The following POGLUT2 variants were observed in gnomAD, a reference collection of about 807,000 sequenced individuals.
POGLUT2 encodes the protein ER protein 58.
POGLUT2 carries 47 observed loss-of-function variants against 57.6 expected under a neutral mutation model. The ratio of observed to expected loss-of-function variants is 0.82; its 90% CI spans 0.65 to 1.04. POGLUT2 has a LOEUF of 1.04. Ranked by LOEUF, POGLUT2 falls within the 50% of genes least tolerant of loss-of-function variation. The pLI, the probability that POGLUT2 is intolerant of heterozygous loss-of-function variation, is 0.00. For missense variants in POGLUT2, 565 were observed against 614.8 expected (o/e 0.92, Z 0.86); for synonymous variants, 200 against 218.8 (o/e 0.91, Z 0.76).
chr13:102,786,208 G>C, intron 9 of POGLUT2, 24 bp downstream of exon 9: 1 of 1,442,286 alleles, frequency 6.9e-7, no homozygotes, highest in East Asian at 2.3e-5. Flanking sequence ...CTCTGACACC[G>C]GCCATAAGCT....
rs558624131 is a variant in POGLUT2, at chr13:102,787,876, G to C, written c.1341C>G (p.Leu447=). 2.8e-4 allele frequency: 444 copies of C among 1,593,704 alleles called. 10 individuals carry two copies. In the South Asian group the frequency reaches 4.8e-3, roughly 17 times the overall value. Residue 447 remains leucine, a synonymous_variant, in exon 8 of 10, where the codon CTC becomes CTG. Coordinates refer to ENST00000376004, the MANE Select transcript of POGLUT2 (RefSeq NM_024089.3). ...AATAACAGAATATGTCATCGCCCAT[G>C]AGATTATTTCTTGCAAATTCTTGTC... The part of the protein sequence containing the change: ...KAGQEFARNN[L]MGDDIFCYYF...
chr13:102,793,420 T>G lies in POGLUT2; in HGVS notation c.595-2A>C, dbSNP rs755980455. 6.4e-7 allele frequency: 1 copy of G among 1,568,632 alleles called. No homozygotes were observed. The highest frequency in any genetic ancestry group is 8.8e-7 in the Non-Finnish European group (1 of 1,141,518). On this transcript the variant is annotated splice_acceptor_variant, in intron 3 of 9. Coordinates refer to ENST00000376004, the MANE Select transcript of POGLUT2 (RefSeq NM_024089.3). LOFTEE classifies it high-confidence loss of function. ...TTCACCATGAGTCTTGATATAAACC[T>G]AAAAGAGAATTTACCATTTATTATG...
intron 6 of POGLUT2, among the ~76,000 whole-genome samples, chr13:102,789,982 A>C (rs910443921): frequency 6.6e-5 from 10 of 152,260 alleles, no homozygotes; most frequent in African/African-American, 2.2e-4. Context: ...AAAAATATTC[A>C]TAGAACTGTG....
Position 102,787,034 on chromosome 13 carries a change from GTTTT to G in POGLUT2, c.1384-699_1384-696del, listed in dbSNP as rs111745447. On this transcript the variant is annotated intron_variant, in intron 8 of 9. Coordinates refer to ENST00000376004, the MANE Select transcript of POGLUT2 (RefSeq NM_024089.3). The stretch of plus-strand genomic sequence containing the variant: ...AAGAACTTGTTTACTACCTGATTTT[GTTTT>G]TTTTTTTTTGTTTGTTTATTTTTTT... Among the ~76,000 whole-genome samples the G allele has an allele frequency of 1.4e-3, 203 of 149,158 alleles. 2 individuals carry two copies. The highest frequency in any genetic ancestry group is 4.4e-3 in the South Asian group (21 of 4,728).
chr13:102,786,184 AAT>A (rs1396443310), intron 9 of POGLUT2, 46 bp downstream of exon 9: 2 of 1,208,846 alleles, frequency 1.7e-6, no homozygotes, highest in African/African-American at 1.5e-5. Context: ...AGTTTGGATC[AAT>A]GTTAGTTTTT....
At chr13:102,792,899 C>G (rs919800358) in intron 4 of POGLUT2, among the ~76,000 whole-genome samples, 20 of 152,134 alleles carry the variant, frequency 1.3e-4, no homozygotes, top group Non-Finnish European at 8.8e-5. Context: ...TTCAAGCGAT[C>G]TTCCTGCCTC....
chr13:102,789,412 G>A (rs1878084136), intron 6 of POGLUT2, among the ~76,000 whole-genome samples, 191 bp from the exon 7 acceptor site: 1 of 152,180 alleles, frequency 6.6e-6, no homozygotes, highest in Non-Finnish European at 1.5e-5. Context: ...TCATTTTGAT[G>A]TGCTTCTCAA....
chr13:102,786,248 G>T lies in POGLUT2; in HGVS notation c.1475C>A (p.Thr492Asn). 1 of 1,611,494 alleles carries T rather than the reference G, an allele frequency of 6.2e-7. No individual in the cohort carries two copies. The highest frequency in any genetic ancestry group is 1.1e-5 in the South Asian group (1 of 91,006). ...PQTEDDLFPC[T>N]CHRKKTKDEL The stretch of plus-strand genomic sequence containing the variant: ...TCTGGTTACCTTTTTCCTATGGCAA[G>T]TACAAGGGAAGAGGTCGTCCTCAGT... Residue 492 changes from threonine (T) to asparagine (N), a missense_variant, in exon 9 of 10, where the codon ACT becomes AAT. Thr to Asn is a moderately conservative substitution (Grantham distance 65, BLOSUM62 0). Transcript: ENST00000376004.
intron 2 of POGLUT2, among the ~76,000 whole-genome samples, chr13:102,795,640 C>T (rs1272405935): frequency 6.6e-6 from 1 of 152,204 alleles, no homozygotes; most frequent in African/African-American, 2.4e-5. Flanking sequence ...AAATTAATTA[C>T]AGTCTGCACT....
In POGLUT2 at chr13:102,798,508, C is replaced by T. The variant is rs199620095; in HGVS notation, c.163G>A (p.Val55Met). 1.9e-6 allele frequency: 3 copies of T among 1,610,422 alleles called. No homozygotes were observed. Among genetic ancestry groups the T allele is most frequent in the Middle Eastern group, 1.7e-4 (1 of 6,048 alleles). The part of the protein sequence containing the change: ...LPARYFYIQA[V>M]DTSGNKFTSS... ...ACTTACTTATTCCCTGATGTATCCACTGCCTGAATATAGAAATAGCGGGCG... is the reference window on the plus strand; with the variant it reads ...ACTTACTTATTCCCTGATGTATCCATTGCCTGAATATAGAAATAGCGGGCG... Residue 55 changes from valine to methionine, a missense_variant, in exon 1 of 10, where the codon GTG becomes ATG. Physicochemically the swap from Val to Met is conservative, Grantham distance 21. Coordinates refer to ENST00000376004, the MANE Select transcript of POGLUT2 (RefSeq NM_024089.3).
At chr13:102,790,759 AC>A in intron 6 of POGLUT2, 141 bp downstream of exon 6, 1 of 637,180 alleles carries the variant, frequency 1.6e-6, no homozygotes, top group Non-Finnish European at 2.8e-6. Context: ...AGTCCCCAGC[AC>A]CCCCATGTCT....
chr13:102,789,217 T>G lies in POGLUT2; in HGVS notation c.1088A>C (p.Lys363Thr), dbSNP rs977682879. The G allele has an allele frequency of 6.2e-7, 1 of 1,613,244 alleles. No individual in the cohort carries two copies. Among genetic ancestry groups the G allele is most frequent in the Non-Finnish European group, 8.5e-7 (1 of 1,179,152 alleles). ...AGTGCCATCGATATTTATTTGATAC[T>G]TATGCTGCAAAACAATGGTAAAGTC... ...HISFFDFFKH[K>T]YQINIDGTVA... Residue 363 changes from lysine (K) to threonine (T), a missense_variant, in exon 7 of 10, where the codon AAG becomes ACG. Lys to Thr is a moderately conservative substitution (Grantham distance 78). Coordinates refer to ENST00000376004, the MANE Select transcript of POGLUT2 (RefSeq NM_024089.3).
At position 102,786,645 on chromosome 13, in the gene POGLUT2, GA is replaced by G. The variant is rs547692150; in HGVS notation, c.1384-307del. Among the ~76,000 whole-genome samples the G allele has an allele frequency of 1.7e-4, 26 of 152,040 alleles. No homozygotes were observed. In the South Asian group the frequency reaches 5.0e-3, roughly 29 times the overall value. ...ATAATTTTGCACACAATCTTCCCTA[GA>G]CTGAGAATGTGAAGACAGAGACTAT... On this transcript the variant is annotated intron_variant, in intron 8 of 9. Coordinates refer to ENST00000376004, the MANE Select transcript of POGLUT2 (RefSeq NM_024089.3).
intron 8 of POGLUT2, 146 bp from the exon 9 acceptor site, chr13:102,786,485 T>C (rs956831612): frequency 3.3e-6 from 2 of 604,460 alleles, no homozygotes; most frequent in Non-Finnish European, 6.0e-6. Context: ...ATACCAGTTC[T>C]GAACATCAAC....
intron 2 of POGLUT2, among the ~76,000 whole-genome samples, chr13:102,796,269 T>C (rs1176747479): frequency 2.1e-5 from 3 of 145,388 alleles, no homozygotes; most frequent in Non-Finnish European, 4.5e-5. Context: ...CACTCCAGCC[T>C]TGTGACAGAG....
At chr13:102,798,452 C>A in intron 1 of POGLUT2, 37 bp downstream of exon 1, 1 of 1,499,576 alleles carries the variant, frequency 6.7e-7, no homozygotes, top group Non-Finnish European at 9.0e-7. Context: ...GATTTAACCG[C>A]CATCCAAAAT....
chr13:102,798,277 C>A (rs1878517120), intron 1 of POGLUT2, among the ~76,000 whole-genome samples: 1 of 152,074 alleles, frequency 6.6e-6, no homozygotes, highest in Non-Finnish European at 1.5e-5. Context: ...ATCAAAATTG[C>A]TAGGAGATTA....
chr13:102,792,277 T>G (rs1171316575), intron 4 of POGLUT2: 3 of 199,938 alleles, frequency 1.5e-5, no homozygotes, highest in Non-Finnish European at 2.7e-5. Context: ...AATATACATT[T>G]GGTAAAAATG....
chr13:102,791,129 C>A lies in POGLUT2; in HGVS notation c.855G>T (p.Leu285=), dbSNP rs1878152828. ...TGTTAGCTTGCACGGACATCATATC[C>A]AGACTTACCCTAGAAGACAAAGTGC... ...SVLETMGRVS[L]DMMSVQANTG... The change falls in exon 6 of 10, where the codon CTG becomes CTT. Residue 285 remains leucine, a synonymous_variant. Transcript: ENST00000376004. 2 of 1,613,772 alleles carry A rather than the reference C, an allele frequency of 1.2e-6. No individual in the cohort carries two copies. Among genetic ancestry groups the A allele is most frequent in the East Asian group, 2.2e-5 (1 of 44,896 alleles).
Sources: gnomAD v4.1 joint callset for allele counts (sites outside exome capture counted in the v4.1 genomes callset) on GRCh38, gnomAD v4.1.1 for gene constraint, MANE v1.5 for transcripts, NCBI Gene and HGNC (gene_info 2026-07-23, HGNC 2026-07-21) for gene names.